MAPK8IP3: variants seen among roughly 807,000 people sequenced by gnomAD.
MAPK8IP3 encodes the protein mitogen-activated protein kinase 8 interacting protein 3, also known as C-Jun-amino-terminal kinase-interacting protein 3.
MAPK8IP3 carries 49 observed loss-of-function variants against 157.8 expected under a neutral mutation model. The ratio of observed to expected loss-of-function variants is 0.31; its 90% CI spans 0.25 to 0.39. MAPK8IP3 has a LOEUF of 0.39. MAPK8IP3 is among the 10% of genes least tolerant of loss of function. The probability of loss-of-function intolerance (pLI) is 1.00; values close to 1 mark genes in which losing one functional copy is unlikely to be tolerated. For missense variants in MAPK8IP3, 1,478 were observed against 1,889.4 expected (o/e 0.78, Z 4.04); for synonymous variants, 897 against 777.7 (o/e 1.15, Z -2.55).
chr16:1,763,978 G>A (rs1001977256), intron 17 of MAPK8IP3, 137 bp from the exon 18 acceptor site: 43 of 1,067,188 alleles, frequency 4.0e-5, no homozygotes, highest in Non-Finnish European at 5.5e-5. Context: ...GGAGCCCCGC[G>A]GCTCCCACGC....
Position 1,743,689 on chromosome 16 carries a change from GCCT to G in MAPK8IP3, c.747+215_747+217del, listed in dbSNP as rs1175057918. 2 of 1,401,068 alleles carry G rather than the reference GCCT, an allele frequency of 1.4e-6. No homozygotes were observed. The highest frequency in any genetic ancestry group is 3.0e-5 in the African/African-American group (2 of 67,184). The allele number at this position is 1,401,068 out of a possible 1,614,324, so 86.8% of individuals were successfully genotyped here. On this transcript the variant is annotated intron_variant, in intron 5 of 31. Transcript: ENST00000610761. The surrounding 1 kb of genome is among the most constrained non-coding windows in gnomAD (Gnocchi z 5.6). Reference sequence around the variant, plus strand: ...TGTGTGGCTGTGGCTGTTCCACGCGGCCTCGTGTCGGCACCTGCTAGTCCAGGC... The same window carrying G: ...TGTGTGGCTGTGGCTGTTCCACGCGGCGTGTCGGCACCTGCTAGTCCAGGC...
chr16:1,724,634 G>T lies in MAPK8IP3; in HGVS notation c.396G>T (p.Gln132His), dbSNP rs766924480. 1 of 1,613,662 alleles carries T rather than the reference G, an allele frequency of 6.2e-7. No homozygotes were observed. The highest frequency in any genetic ancestry group is 1.1e-5 in the South Asian group (1 of 91,088). The change falls in exon 2 of 32, where the codon CAG becomes CAT. Residue 132 changes from glutamine (Q) to histidine (H), a missense_variant. By Grantham distance (24) the Gln-to-His change is conservative (BLOSUM62 0). This residue lies in a region of MAPK8IP3 where 65 missense variants were observed against 161.8 expected (regional missense o/e 0.40). Coordinates refer to ENST00000610761, the MANE Select transcript of MAPK8IP3 (RefSeq NM_001318852.2). This position sits in a 1 kb window ranked among gnomAD's most constrained non-coding sequence, Gnocchi z 4.1. The part of the protein sequence containing the change: ...LQIQVEHYEF[Q>H]TRQLELKAKN... ...TCCAGGTGGAGCACTACGAGTTCCAGACGCGCCAGCTGGAGCTGAAGGCCA... is the reference window on the plus strand; with the variant it reads ...TCCAGGTGGAGCACTACGAGTTCCATACGCGCCAGCTGGAGCTGAAGGCCA...
At chr16:1,764,524 G>A (rs2042144487) in intron 19 of MAPK8IP3, 65 bp downstream of exon 19, 16 of 1,558,170 alleles carry the variant, frequency 1.0e-5, no homozygotes, top group Non-Finnish European at 1.3e-5. Context: ...CAGCTGCAGA[G>A]CATGCTGGGA....
chr16:1,749,199 G>A (rs1485267133), intron 8 of MAPK8IP3, among the ~76,000 whole-genome samples: 4 of 152,190 alleles, frequency 2.6e-5, no homozygotes, highest in African/African-American at 4.8e-5. Flanking sequence ...CACCCGCTTC[G>A]AGTGCACGGT....
intron 1 of MAPK8IP3, among the ~76,000 whole-genome samples, chr16:1,722,441 G>C (rs923945044): frequency 9.2e-5 from 14 of 152,206 alleles, no homozygotes; most frequent in African/African-American, 3.1e-4. Flanking sequence ...TAGTATCCGG[G>C]TGGGAGAGTG....
chr16:1,744,714 C>T (rs528427120), intron 5 of MAPK8IP3: 7 of 985,560 alleles, frequency 7.1e-6, no homozygotes, highest in Middle Eastern at 5.2e-4. Context: ...GGCTGCCTCT[C>T]GCGCCCGCTC....
intron 5 of MAPK8IP3, chr16:1,744,733 CTCT>C (rs1567179514): frequency 3.0e-6 from 3 of 985,486 alleles, no homozygotes; most frequent in Non-Finnish European, 3.6e-6. Flanking sequence ...TCTGGGCCCG[CTCT>C]TCTTCTCATG....
Position 1,766,531 on chromosome 16 carries a change from A to G in MAPK8IP3, c.2822A>G (p.Glu941Gly). The G allele has an allele frequency of 6.2e-7, 1 of 1,611,492 alleles. No individual in the cohort carries two copies. Among genetic ancestry groups the G allele is most frequent in the East Asian group, 2.2e-5 (1 of 44,854 alleles). The change falls in exon 23 of 32, where the codon GAG (glutamate) becomes GGG (glycine). Residue 941 changes from glutamate to glycine, a missense_variant and splice_region_variant. Transcript: ENST00000610761. ...TPSSGPQPGS[E>G]NGPEPDSSST... ...TGGAGCCACCGTTCTTCCTGCAGCG[A>G]GAACGGGCCAGAGCCTGACAGCAGC...
At chr16:1,729,618 G>A in intron 4 of MAPK8IP3, 40 bp downstream of exon 4, 1 of 1,537,736 alleles carries the variant, frequency 6.5e-7, no homozygotes, top group Non-Finnish European at 8.8e-7. Context: ...GCGGGGCGCG[G>A]CGGGGCGGAG....
intron 6 of MAPK8IP3, 79 bp downstream of exon 6, chr16:1,747,354 A>T: frequency 6.5e-7 from 1 of 1,549,812 alleles, no homozygotes; most frequent in East Asian, 2.3e-5. Context: ...AAACTAATGC[A>T]CCAGGCGGGC....
In MAPK8IP3 at chr16:1,762,665, T is replaced by C. The variant is rs920486101; in HGVS notation, c.1671-10T>C. The C allele has an allele frequency of 2.7e-5, 42 of 1,543,442 alleles. No individual in the cohort carries two copies. Among genetic ancestry groups the C allele is most frequent in the Non-Finnish European group, 3.7e-5 (42 of 1,143,282 alleles). On this transcript the variant is annotated splice_polypyrimidine_tract_variant and intron_variant, in intron 14 of 31. Transcript: ENST00000610761. ...CACTAGCAGGTTGCTCCCTGTGCCC[T>C]CCCCTGCAGAGCGTCCCGAGAGCAC...
rs761178599 is a variant in MAPK8IP3, at chr16:1,766,135, G to A, written c.2622G>A (p.Lys874=). 1 of 1,609,708 alleles carries A rather than the reference G, an allele frequency of 6.2e-7. No individual in the cohort carries two copies. Among genetic ancestry groups the A allele is most frequent in the Non-Finnish European group, 8.5e-7 (1 of 1,177,810 alleles). ...GAGGGGACACCCCAGTGCTAGACAA[G>A]GGGCAGGGTGAGTCCTGGGCGAGTT... The part of the protein sequence containing the change: ...SSRGDTPVLD[K]GQGEVATIAN... Residue 874 remains lysine (K), a synonymous_variant, in exon 21 of 32, where the codon AAG becomes AAA. Coordinates refer to ENST00000610761, the MANE Select transcript of MAPK8IP3 (RefSeq NM_001318852.2).
intron 1 of MAPK8IP3, among the ~76,000 whole-genome samples, chr16:1,712,475 C>T (rs2037854907): frequency 6.6e-6 from 1 of 152,184 alleles, no homozygotes; most frequent in Non-Finnish European, 1.5e-5. Context: ...TTTGCCAGCC[C>T]AGAGAACCCT....
intron 2 of MAPK8IP3, among the ~76,000 whole-genome samples, chr16:1,728,757 C>T (rs1339876559): frequency 2.7e-5 from 4 of 147,810 alleles, no homozygotes; most frequent in South Asian, 2.1e-4. Context: ...GCCCCCCAGA[C>T]GGCCTTCACA....
chr16:1,740,432 C>A (rs1226602317), intron 4 of MAPK8IP3, among the ~76,000 whole-genome samples: 1 of 146,572 alleles, frequency 6.8e-6, no homozygotes, highest in Non-Finnish European at 1.5e-5. Flanking sequence ...CTGCCCACAC[C>A]CTCTAACACC....
At chr16:1,725,451 A>G (rs1010490241) in intron 2 of MAPK8IP3, among the ~76,000 whole-genome samples, 3 of 150,986 alleles carry the variant, frequency 2.0e-5, no homozygotes, top group East Asian at 2.0e-4. Flanking sequence ...AACATGGCGA[A>G]ACCCCGTCTC....
At chr16:1,748,386 G>T in intron 7 of MAPK8IP3, 40 bp downstream of exon 7, 1 of 1,537,110 alleles carries the variant, frequency 6.5e-7, no homozygotes. Flanking sequence ...TGGGGGCTCA[G>T]TATTTATCCA....
intron 9 of MAPK8IP3, 137 bp downstream of exon 9, chr16:1,758,296 C>T (rs920406536): frequency 1.4e-5 from 13 of 926,400 alleles, no homozygotes; most frequent in East Asian, 2.7e-5. Context: ...TGCTTCTGCT[C>T]GCAGCCACCG....
intron 19 of MAPK8IP3, 146 bp downstream of exon 19, chr16:1,764,605 C>G: frequency 8.5e-7 from 1 of 1,170,802 alleles, no homozygotes; most frequent in Non-Finnish European, 1.2e-6. Context: ...CTGCGGGAAG[C>G]AGTGTCTTCC....
Sources: gnomAD v4.1 joint callset for allele counts (sites outside exome capture counted in the v4.1 genomes callset) on GRCh38, gnomAD v4.1.1 for gene constraint, gnomAD v4.1.1 regional missense constraint, Gnocchi (gnomAD v3.1) non-coding constraint, MANE v1.5 for transcripts, NCBI Gene and HGNC (gene_info 2026-07-23, HGNC 2026-07-21) for gene names.